GFRA1: variants seen among roughly 807,000 people sequenced by gnomAD.
GFRA1 encodes the protein GDNF family receptor alpha-1.
In GFRA1, 16 loss-of-function variants were observed where a neutral mutation model predicts 51.6. The observed-to-expected ratio is 0.31, with a 90% CI of 0.21 to 0.47. The LOEUF is 0.47. Ranked by LOEUF, GFRA1 falls within the 20% of genes least tolerant of loss-of-function variation. The probability of loss-of-function intolerance (pLI) is 1.00; values close to 1 mark genes in which losing one functional copy is unlikely to be tolerated. For missense variants in GFRA1, 530 were observed against 594.3 expected (o/e 0.89, Z 1.13); for synonymous variants, 270 against 241.3 (o/e 1.12, Z -1.10).
chr10:116,218,673 C>G (rs892560139), intron 4 of GFRA1, among the ~76,000 whole-genome samples: 1 of 152,148 alleles, frequency 6.6e-6, no homozygotes, highest in Admixed American at 6.5e-5. Flanking sequence ...CCTGCTTCCT[C>G]CAGGCACAAT....
chr10:116,075,995 C>T (rs943127597), intron 9 of GFRA1, among the ~76,000 whole-genome samples: 3 of 152,002 alleles, frequency 2.0e-5, no homozygotes, highest in Non-Finnish European at 2.9e-5. Flanking sequence ...CCACCCACCT[C>T]GGCCTCCCAA....
intron 4 of GFRA1, among the ~76,000 whole-genome samples, chr10:116,267,326 C>T (rs1323602650): frequency 6.6e-6 from 1 of 151,338 alleles, no homozygotes; most frequent in Non-Finnish European, 1.5e-5. Context: ...ATTATCCAGG[C>T]GTGGTGGCAG....
chr10:116,259,363 C>G (rs1335466024), intron 4 of GFRA1, among the ~76,000 whole-genome samples: 1 of 145,634 alleles, frequency 6.9e-6, no homozygotes, highest in East Asian at 2.0e-4. Context: ...GCTATTTATA[C>G]GACAACATGA....
At chr10:116,217,110 G>T (rs1408043588) in intron 4 of GFRA1, among the ~76,000 whole-genome samples, 1 of 152,130 alleles carries the variant, frequency 6.6e-6, no homozygotes, top group Admixed American at 6.6e-5. Context: ...GGGCAGTTCT[G>T]TTTTCAGTTG....
rs187619906 is a variant in GFRA1, at chr10:116,071,430, C to G, written c.1198-5804G>C. 2.3e-3 allele frequency among the ~76,000 whole-genome samples: 353 copies of G among 152,322 alleles called. 1 individual carries two copies. The highest frequency in any genetic ancestry group is 4.0e-3 in the Non-Finnish European group (274 of 68,024). Reference sequence around the variant, plus strand: ...GCAGGTAGAGTCACAGGATGAGGGACCTGCAGTCATACTTCCTTATTTGGA... The same window carrying G: ...GCAGGTAGAGTCACAGGATGAGGGAGCTGCAGTCATACTTCCTTATTTGGA... On this transcript the variant is annotated intron_variant, in intron 9 of 10. Coordinates refer to ENST00000355422, the MANE Select transcript of GFRA1 (RefSeq NM_005264.8).
chr10:116,141,478 C>T (rs575298268), intron 5 of GFRA1, among the ~76,000 whole-genome samples: 14 of 152,224 alleles, frequency 9.2e-5, no homozygotes, highest in African/African-American at 3.4e-4. Context: ...AGTATATGCT[C>T]TGCCTCCTGG....
At chr10:116,142,362 C>T (rs953545337) in intron 5 of GFRA1, among the ~76,000 whole-genome samples, 1 of 152,130 alleles carries the variant, frequency 6.6e-6, no homozygotes, top group African/African-American at 2.4e-5. Context: ...AGGAGAAAAG[C>T]CCTGTGCATC....
At position 116,165,838 on chromosome 10, in the gene GFRA1, T is replaced by C. The variant is rs1475757841; in HGVS notation, c.434-40281A>G. Among the ~76,000 whole-genome samples, 9 of 127,874 alleles carry C rather than the reference T, an allele frequency of 7.0e-5. No individual in the cohort carries two copies. In the Admixed American group the frequency reaches 7.7e-4, roughly 11 times the overall value. 83.9% of individuals were successfully genotyped at this position (127,874 alleles called of 152,430 possible). A position where few individuals can be genotyped will look rare whatever the true frequency, so the allele number is the denominator to read the frequency against. ...TAAGTTCAAGGGTACAAGTGCATGTTTGTTACACAGATAAACTTGTGTCAT... is the reference window on the plus strand; with the variant it reads ...TAAGTTCAAGGGTACAAGTGCATGTCTGTTACACAGATAAACTTGTGTCAT... On this transcript the variant is annotated intron_variant, in intron 5 of 10. Transcript: ENST00000355422.
chr10:116,200,908 C>T (rs1176408573), intron 5 of GFRA1, among the ~76,000 whole-genome samples: 1 of 152,176 alleles, frequency 6.6e-6, no homozygotes, highest in African/African-American at 2.4e-5. Flanking sequence ...ATGTGGAACG[C>T]TCATTGACAT....
At chr10:116,138,036 C>T (rs1172112458) in intron 5 of GFRA1, among the ~76,000 whole-genome samples, 1 of 152,062 alleles carries the variant, frequency 6.6e-6, no homozygotes, top group Non-Finnish European at 1.5e-5. Flanking sequence ...CTCGTGATCT[C>T]GTGATCTATC....
At chr10:116,140,524 T>C (rs2286733) in intron 5 of GFRA1, among the ~76,000 whole-genome samples, 61,816 of 152,012 alleles carry the variant, frequency 0.41, 12,718 homozygotes, top group African/African-American at 0.48. Context: ...CTTAGAAATA[T>C]ATTTGTAAAA....
chr10:116,235,875 A>G (rs74673649), intron 4 of GFRA1, among the ~76,000 whole-genome samples: 9,259 of 152,086 alleles, frequency 0.061, 852 homozygotes, highest in African/African-American at 0.2. Flanking sequence ...TGTAGGAAAG[A>G]CCTCAGAATG....
At chr10:116,073,466 T>A (rs2133804752) in intron 9 of GFRA1, among the ~76,000 whole-genome samples, 1 of 152,350 alleles carries the variant, frequency 6.6e-6, no homozygotes, top group South Asian at 2.1e-4. Flanking sequence ...AATTATGAGC[T>A]GTATTTTAGA....
intron 6 of GFRA1, among the ~76,000 whole-genome samples, chr10:116,101,519 G>T (rs1956814649): frequency 2.0e-5 from 3 of 152,124 alleles, no homozygotes; most frequent in South Asian, 4.1e-4. Flanking sequence ...ATTAAAGGAA[G>T]TACGCTGCTA....
At chr10:116,184,698 G>A (rs993182514) in intron 5 of GFRA1, among the ~76,000 whole-genome samples, 12 of 152,238 alleles carry the variant, frequency 7.9e-5, no homozygotes, top group Non-Finnish European at 1.6e-4. Context: ...GAGATCTGGG[G>A]CCTGTCTCAG....
intron 6 of GFRA1, among the ~76,000 whole-genome samples, chr10:116,124,672 G>A (rs1026494412): frequency 3.3e-5 from 5 of 152,214 alleles, no homozygotes; most frequent in African/African-American, 4.8e-5. Context: ...GGTGGAGGCT[G>A]AGATCTGGGA....
At chr10:116,243,227 T>C (rs1391166797) in intron 4 of GFRA1, among the ~76,000 whole-genome samples, 1 of 152,142 alleles carries the variant, frequency 6.6e-6, no homozygotes, top group Admixed American at 6.5e-5. Flanking sequence ...AACTATAAAT[T>C]CATTTTAATT....
At chr10:116,139,018 G>A (rs766440730) in intron 5 of GFRA1, among the ~76,000 whole-genome samples, 6 of 152,132 alleles carry the variant, frequency 3.9e-5, no homozygotes, top group Non-Finnish European at 5.9e-5. Flanking sequence ...CAGGAATTGC[G>A]GAGTAAATTC....
intron 5 of GFRA1, among the ~76,000 whole-genome samples, chr10:116,146,925 A>G (rs932957144): frequency 6.6e-6 from 1 of 152,198 alleles, no homozygotes; most frequent in African/African-American, 2.4e-5. Context: ...GGCTTGTGGA[A>G]GGGAGGTGCC....
Sources: gnomAD v4.1 joint callset for allele counts (sites outside exome capture counted in the v4.1 genomes callset) on GRCh38, gnomAD v4.1.1 for gene constraint, MANE v1.5 for transcripts, NCBI Gene and HGNC (gene_info 2026-07-23, HGNC 2026-07-21) for gene names.